ADAMTSL1: variants seen among roughly 807,000 people sequenced by gnomAD.
The protein encoded by ADAMTSL1 is ADAMTS like 1.
Under a neutral mutation model 201.8 loss-of-function variants are expected in ADAMTSL1, and 126 were observed. The ratio of observed to expected loss-of-function variants is 0.62; its 90% CI spans 0.54 to 0.72. The LOEUF (loss-of-function observed/expected upper bound fraction) is 0.72. Among genes scored for constraint, ADAMTSL1 ranks in the 30% least tolerant of loss-of-function variants. The pLI, the probability that ADAMTSL1 is intolerant of heterozygous loss-of-function variation, is 0.00. For missense variants in ADAMTSL1, 2,679 were observed against 2,277.8 expected (o/e 1.18, Z -3.59); for synonymous variants, 1,121 against 903.4 (o/e 1.24, Z -4.32).
At chr9:18,760,041 A>T (rs936735508) in intron 16 of ADAMTSL1, among the ~76,000 whole-genome samples, 4 of 152,018 alleles carry the variant, frequency 2.6e-5, no homozygotes, top group Non-Finnish European at 5.9e-5. Context: ...TTTCTAAGTT[A>T]CCTCAAACTC....
intron 23 of ADAMTSL1, among the ~76,000 whole-genome samples, chr9:18,838,515 A>AAAATAAATAAAT: frequency 6.6e-6 from 1 of 151,912 alleles, no homozygotes; most frequent in Middle Eastern, 3.4e-3. Context: ...CTCCAGTTTA[A>AAAATAAATAAAT]AAATAAATAA....
At chr9:18,590,669 C>T (rs932214055) in intron 4 of ADAMTSL1, among the ~76,000 whole-genome samples, 30 of 151,932 alleles carry the variant, frequency 2.0e-4, no homozygotes, top group Non-Finnish European at 2.4e-4. Flanking sequence ...AAATGTCCAT[C>T]TTAGTATCAC....
intron 2 of ADAMTSL1, among the ~76,000 whole-genome samples, chr9:18,254,229 G>A (rs937065420): frequency 6.6e-6 from 1 of 151,452 alleles, no homozygotes; most frequent in Admixed American, 6.6e-5. Context: ...TTAACAAGTA[G>A]TGTGTTAGTC....
chr9:18,704,002 T>C (rs1353012276), intron 13 of ADAMTSL1, among the ~76,000 whole-genome samples: 1 of 151,986 alleles, frequency 6.6e-6, no homozygotes, highest in East Asian at 1.9e-4. Flanking sequence ...AGCTTATATA[T>C]GTGAAAAGAG....
chr9:18,061,672 C>A (rs1384395982), intron 1 of ADAMTSL1, among the ~76,000 whole-genome samples: 1 of 152,172 alleles, frequency 6.6e-6, no homozygotes, highest in Non-Finnish European at 1.5e-5. Context: ...ATAAATATAG[C>A]ATTCAGTACT....
At chr9:17,989,309 CTTTA>C (rs68152099) in intron 1 of ADAMTSL1, among the ~76,000 whole-genome samples, 10,761 of 151,540 alleles carry the variant, frequency 0.071, 1,143 homozygotes, top group African/African-American at 0.24. Context: ...TGTTTTGTAA[CTTTA>C]TTTATTTAAT....
intron 1 of ADAMTSL1, among the ~76,000 whole-genome samples, chr9:17,925,486 A>C (rs1450622152): frequency 2.0e-5 from 2 of 97,768 alleles, no homozygotes; most frequent in African/African-American, 6.8e-5. Flanking sequence ...CTGGATTAAG[A>C]AAATGTGGCA....
intron 1 of ADAMTSL1, among the ~76,000 whole-genome samples, chr9:18,095,854 T>C (rs544431602): frequency 2.6e-5 from 4 of 152,174 alleles, no homozygotes; most frequent in Non-Finnish European, 5.9e-5. Context: ...TATTTGAAGA[T>C]CCAAATCTGA....
Position 18,910,566 on chromosome 9 carries a change from G to T in ADAMTSL1, c.*2018G>T, listed in dbSNP as rs1830543886. On this transcript the variant is annotated 3_prime_UTR_variant, in exon 29 of 29. Coordinates refer to ENST00000380548, the MANE Select transcript of ADAMTSL1 (RefSeq NM_001040272.6). ...AGGCAGTAAGAGGGAATTCATTTGT[G>T]GCATAATAGTTATGCATGGAATGAT... is the stretch of plus-strand genomic sequence containing the variant. The T allele has an allele frequency of 6.6e-6, 1 of 152,152 alleles. No homozygotes were observed. The highest frequency in any genetic ancestry group is 6.5e-5 in the Admixed American group (1 of 15,284). The allele number at this position is 152,152 out of a possible 1,614,324, so 9.4% of individuals were successfully genotyped here.
At chr9:18,322,757 C>T (rs1040688365) in intron 2 of ADAMTSL1, among the ~76,000 whole-genome samples, 1 of 151,956 alleles carries the variant, frequency 6.6e-6, no homozygotes, top group East Asian at 1.9e-4. Flanking sequence ...ATTATAGATC[C>T]ATAGATAGTA....
At chr9:18,440,287 A>G (rs547729151) in intron 2 of ADAMTSL1, among the ~76,000 whole-genome samples, 11 of 152,292 alleles carry the variant, frequency 7.2e-5, no homozygotes, top group African/African-American at 2.2e-4. Flanking sequence ...CTCAGTACCC[A>G]TGCAACTTTG....
At position 18,507,134 on chromosome 9, in the gene ADAMTSL1, T is replaced by C. The variant is rs563383344; in HGVS notation, c.191+2178T>C. On this transcript the variant is annotated intron_variant, in intron 2 of 28. Transcript: ENST00000380548. ...CATATATTTTGACATCATTCTTCAATAGGATTTGTATTATTAGGCTAAACT... is the reference window on the plus strand; with the variant it reads ...CATATATTTTGACATCATTCTTCAACAGGATTTGTATTATTAGGCTAAACT... Among the ~76,000 whole-genome samples the C allele has an allele frequency of 6.6e-5, 10 of 152,356 alleles. No homozygotes were observed. The South Asian group carries it at 1.7e-3, about 25-fold the overall frequency.
At chr9:18,667,348 A>T (rs1278661864) in intron 9 of ADAMTSL1, among the ~76,000 whole-genome samples, 1 of 151,834 alleles carries the variant, frequency 6.6e-6, no homozygotes, top group Admixed American at 6.6e-5. Flanking sequence ...AACAAGTGTT[A>T]TGTGTAGTAG....
intron 2 of ADAMTSL1, among the ~76,000 whole-genome samples, chr9:18,182,292 A>G (rs1052105887): frequency 5.3e-5 from 8 of 152,184 alleles, no homozygotes; most frequent in Admixed American, 5.2e-4. Context: ...GTATAAAAAA[A>G]AAAAAAAGAA....
At chr9:18,778,027 G>C in intron 19 of ADAMTSL1, 121 bp downstream of exon 19, 1 of 1,319,262 alleles carries the variant, frequency 7.6e-7, no homozygotes, top group East Asian at 2.5e-5. Flanking sequence ...TGGCCTCGGG[G>C]ACCCCATCAT....
intron 5 of ADAMTSL1, among the ~76,000 whole-genome samples, chr9:18,623,281 G>C (rs2132681534): frequency 6.6e-6 from 1 of 151,720 alleles, no homozygotes; most frequent in Non-Finnish European, 1.5e-5. Flanking sequence ...ACATGTACTT[G>C]CTGAGAATTT....
chr9:18,770,400 T>G (rs1265579091), intron 16 of ADAMTSL1, among the ~76,000 whole-genome samples: 2 of 152,180 alleles, frequency 1.3e-5, no homozygotes, highest in Non-Finnish European at 2.9e-5. Context: ...ATACCTGGGA[T>G]TAAGAGTGGA....
chr9:18,442,516 A>C (rs967335731), intron 2 of ADAMTSL1, among the ~76,000 whole-genome samples: 3 of 152,140 alleles, frequency 2.0e-5, no homozygotes, highest in African/African-American at 7.2e-5. Flanking sequence ...GTTCAGTTGG[A>C]TGTATAGTTT....
At chr9:18,280,471 T>C (rs1421975774) in intron 2 of ADAMTSL1, among the ~76,000 whole-genome samples, 1 of 152,100 alleles carries the variant, frequency 6.6e-6, no homozygotes, top group Admixed American at 6.5e-5. Flanking sequence ...GATGTATCTG[T>C]AGATCAGTTT....
Sources: allele counts gnomAD v4.1 joint callset (sites outside exome capture counted in the v4.1 genomes callset), GRCh38; gene constraint gnomAD v4.1.1; transcripts MANE v1.5; gene names NCBI Gene and HGNC (gene_info 2026-07-23, HGNC 2026-07-21).